The following PPIL6 variants were observed in gnomAD, a reference collection of about 807,000 sequenced individuals.
PPIL6 encodes peptidylprolyl isomerase like 6.
In PPIL6, 39 loss-of-function variants were observed where a neutral mutation model predicts 36.8. The ratio of observed to expected loss-of-function variants is 1.06; its 90% CI spans 0.82 to 1.38. The LOEUF is 1.38. Ranked by LOEUF, PPIL6 falls within the 40% of genes most tolerant of loss-of-function variation. PPIL6 has a pLI of 0.00. For synonymous variants in PPIL6, 123 were observed against 134.1 expected, an observed-to-expected ratio of 0.92 and a Z score of 0.57; for missense variants, 368 against 379.1, an observed-to-expected ratio of 0.97 and a Z score of 0.24.
At chr6:109,437,170 C>T (rs1418401932) in intron 1 of PPIL6, among the ~76,000 whole-genome samples, 2 of 152,206 alleles carry the variant, frequency 1.3e-5, no homozygotes, top group South Asian at 2.1e-4. Flanking sequence ...ATTCGTTATA[C>T]TTTGTCTCCC....
intron 3 of PPIL6, 40 bp from the exon 4 acceptor site, chr6:109,427,196 T>C (rs372559763): frequency 4.2e-5 from 63 of 1,493,664 alleles, no homozygotes; most frequent in Middle Eastern, 1.8e-4. Flanking sequence ...CAGGTCAAAG[T>C]CTTACAAGAA....
At chr6:109,419,159 ATAAC>A (rs773163496) in intron 6 of PPIL6, 24 bp downstream of exon 6, 2 of 1,377,228 alleles carry the variant, frequency 1.5e-6, no homozygotes, top group Non-Finnish European at 2.1e-6. Flanking sequence ...CAACTAATAT[ATAAC>A]TAACAAAATG....
intron 7 of PPIL6, among the ~76,000 whole-genome samples, chr6:109,398,515 GGAA>G (rs1266861866): frequency 2.6e-5 from 4 of 152,070 alleles, no homozygotes; most frequent in African/African-American, 7.2e-5. Context: ...ATTATCTCAG[GGAA>G]GAAGAAGTAA....
intron 5 of PPIL6, among the ~76,000 whole-genome samples, chr6:109,420,622 C>T (rs1049099969): frequency 1.3e-5 from 2 of 152,162 alleles, no homozygotes; most frequent in African/African-American, 4.8e-5. Flanking sequence ...AAAGAGCGGG[C>T]TCTGAGGTCT....
At chr6:109,439,420 G>A (rs1027590077) in intron 1 of PPIL6, among the ~76,000 whole-genome samples, 1 of 152,160 alleles carries the variant, frequency 6.6e-6, no homozygotes, top group African/African-American at 2.4e-5. Context: ...GCAATGGCGC[G>A]ATCTCAGCTC....
At chr6:109,434,390 TACAA>T (rs1315499210) in intron 2 of PPIL6, among the ~76,000 whole-genome samples, 3 of 152,302 alleles carry the variant, frequency 2.0e-5, no homozygotes, top group East Asian at 1.9e-4. Context: ...ACCCTGTTTC[TACAA>T]ACAAAGAAAA....
In PPIL6 at chr6:109,392,614, AAAGGAGTCT is replaced by A; in HGVS notation, c.*203_*211del. The A allele has an allele frequency of 6.3e-6, 3 of 476,630 alleles. No homozygotes were observed. Among genetic ancestry groups the A allele is most frequent in the Non-Finnish European group, 1.1e-5 (3 of 271,488 alleles). The allele number at this position is 476,630 out of a possible 1,614,324, so 29.5% of individuals were successfully genotyped here. ...ATCTCTCATGGCCACCCGTGGCTGC[AAAGGAGTCT>A]AGGAAATTGAGTACCACCCTTTCAC... On this transcript the variant is annotated 3_prime_UTR_variant, in exon 8 of 8. Coordinates refer to ENST00000521072, the MANE Select transcript of PPIL6 (RefSeq NM_173672.5).
At chr6:109,399,476 G>A (rs1023364184) in intron 7 of PPIL6, among the ~76,000 whole-genome samples, 1 of 151,974 alleles carries the variant, frequency 6.6e-6, no homozygotes, top group African/African-American at 2.4e-5. Flanking sequence ...CATGATCTTG[G>A]CTCACTGCAA....
At chr6:109,409,969 T>C (rs1772951046) in intron 6 of PPIL6, among the ~76,000 whole-genome samples, 1 of 152,170 alleles carries the variant, frequency 6.6e-6, no homozygotes, top group Non-Finnish European at 1.5e-5. Flanking sequence ...CAATGCAATC[T>C]CTATCAAAAT....
At chr6:109,410,169 G>A (rs1233103774) in intron 6 of PPIL6, among the ~76,000 whole-genome samples, 1 of 152,176 alleles carries the variant, frequency 6.6e-6, no homozygotes, top group Non-Finnish European at 1.5e-5. Flanking sequence ...AAGATCAGTT[G>A]GCACCATTTC....
upstream of PPIL6, chr6:109,440,887 G>C (rs901904382): frequency 3.7e-6 from 2 of 546,774 alleles, no homozygotes; most frequent in South Asian, 4.8e-5. Flanking sequence ...CCCGGATTTC[G>C]GCAGCGGATC....
intron 1 of PPIL6, among the ~76,000 whole-genome samples, chr6:109,437,115 CAG>C: frequency 6.6e-6 from 1 of 152,326 alleles, no homozygotes; most frequent in Admixed American, 6.5e-5. Context: ...CTGCAGGAAT[CAG>C]AGAAAATTCT....
At chr6:109,436,038 T>C (rs2115293823) in intron 2 of PPIL6, 66 bp downstream of exon 2, 1 of 838,206 alleles carries the variant, frequency 1.2e-6, no homozygotes, top group South Asian at 1.4e-5. Flanking sequence ...TCCAAAACAA[T>C]GCATAAATAA....
At chr6:109,431,035 G>A (rs894198422) in intron 3 of PPIL6, 122 bp downstream of exon 3, 4 of 722,226 alleles carry the variant, frequency 5.5e-6, no homozygotes, top group Admixed American at 2.6e-5. Context: ...ATGGAACTAG[G>A]CTTTAAACTT....
chr6:109,410,897 C>A (rs181925889), intron 6 of PPIL6, among the ~76,000 whole-genome samples: 253 of 152,236 alleles, frequency 1.7e-3, no homozygotes, highest in African/African-American at 5.9e-3. Context: ...CCCGCCACCC[C>A]CATCGGAACA....
chr6:109,435,197 G>T (rs1774376124), intron 2 of PPIL6, among the ~76,000 whole-genome samples: 1 of 152,118 alleles, frequency 6.6e-6, no homozygotes, highest in Admixed American at 6.6e-5. Flanking sequence ...TAAGTGATGT[G>T]CAGGGAGACA....
At chr6:109,419,062 T>C (rs1285044652) in intron 6 of PPIL6, 125 bp downstream of exon 6, 2 of 664,346 alleles carry the variant, frequency 3.0e-6, no homozygotes, top group East Asian at 2.7e-5. Flanking sequence ...TGCTCATTTT[T>C]ACCTCTTGCT....
chr6:109,394,613 C>T (rs563963076), intron 7 of PPIL6, among the ~76,000 whole-genome samples: 5 of 152,112 alleles, frequency 3.3e-5, no homozygotes, highest in African/African-American at 4.8e-5. Flanking sequence ...TGGTCAGTGC[C>T]GACACCAAGT....
chr6:109,429,556 C>T (rs1394137225), intron 3 of PPIL6, among the ~76,000 whole-genome samples: 1 of 152,178 alleles, frequency 6.6e-6, no homozygotes, highest in African/African-American at 2.4e-5. Context: ...TCTCCCCATG[C>T]TGAGAGCACC....
Sources: allele counts gnomAD v4.1 joint callset (sites outside exome capture counted in the v4.1 genomes callset), GRCh38; gene constraint gnomAD v4.1.1; transcripts MANE v1.5; gene names NCBI Gene and HGNC (gene_info 2026-07-23, HGNC 2026-07-21).